Variants in PDE8B observed in about 807,000 individuals in gnomAD.
PDE8B encodes the protein high affinity cAMP-specific and IBMX-insensitive 3',5'-cyclic phosphodiesterase 8B.
Under a neutral mutation model 101.3 loss-of-function variants are expected in PDE8B, and 26 were observed. The observed-to-expected ratio is 0.26, with a 90% CI of 0.19 to 0.36. PDE8B has a LOEUF of 0.36. PDE8B is among the 10% of genes least tolerant of loss of function. The pLI is 1.00. For missense variants in PDE8B, 810 were observed against 1,163.1 expected (o/e 0.70, Z 4.42); for synonymous variants, 424 against 429.3 (o/e 0.99, Z 0.15).
At chr5:77,124,392 C>T in the PDE8B span, among the ~76,000 whole-genome samples, 4 of 151,836 alleles carry the variant, frequency 2.6e-5, no homozygotes, top group Non-Finnish European at 4.4e-5. Context: ...GAGCTCAAGA[C>T]CATCCTGGGC....
the PDE8B span, among the ~76,000 whole-genome samples, chr5:77,099,610 CTTT>C: frequency 0.23 from 33,667 of 146,962 alleles, 4,462 homozygotes; most frequent in Admixed American, 0.35. Context: ...CTTTTCTTTT[CTTT>C]TTTTTTTTTT....
chr5:77,110,611 A>C, the PDE8B span, among the ~76,000 whole-genome samples: 1 of 152,210 alleles, frequency 6.6e-6, no homozygotes, highest in African/African-American at 2.4e-5. Context: ...AAGGCAGAGC[A>C]AATAGATACA....
intron 10 of PDE8B, among the ~76,000 whole-genome samples, chr5:77,394,986 A>G (rs1393049920): frequency 2.0e-5 from 3 of 152,108 alleles, no homozygotes; most frequent in East Asian, 3.9e-4. Flanking sequence ...ATATTTTCCA[A>G]TCTAGGGTAA....
rs777708738 is a variant in PDE8B, at chr5:77,211,185, C to T, written c.260C>T (p.Ala87Val). ...AGCGCGGGTTCCGCAGCCCCCGCCG[C>T]GACCACCAGCAGGGGCCGGAGGCGC... ...GSSAGSAAPA[A>V]TTSRGRRRHC... Residue 87 changes from alanine to valine, a missense_variant, in exon 1 of 22, where the codon GCG becomes GTG. By Grantham distance (64) the Ala-to-Val change is moderately conservative. Transcript: ENST00000264917. The surrounding 1 kb of genome is among the most constrained non-coding windows in gnomAD (Gnocchi z 4.1). The T allele has an allele frequency of 2.6e-6, 4 of 1,548,854 alleles. No homozygotes were observed. Among genetic ancestry groups the T allele is most frequent in the Non-Finnish European group, 3.5e-6 (4 of 1,155,094 alleles).
At chr5:77,385,163 T>C (rs904176640) in intron 10 of PDE8B, among the ~76,000 whole-genome samples, 1 of 152,192 alleles carries the variant, frequency 6.6e-6, no homozygotes, top group Non-Finnish European at 1.5e-5. Flanking sequence ...TTGTTATTGG[T>C]CTATTCAGGG....
intron 10 of PDE8B, among the ~76,000 whole-genome samples, chr5:77,377,897 C>G (rs1350000501): frequency 6.6e-6 from 1 of 152,130 alleles, no homozygotes; most frequent in East Asian, 1.9e-4. Flanking sequence ...ACTGCCTTCC[C>G]TGGTTCTCAG....
In PDE8B at chr5:77,211,092, G is replaced by C. The variant is rs770558291; in HGVS notation, c.167G>C (p.Ser56Thr). The C allele has an allele frequency of 6.7e-7, 1 of 1,493,688 alleles. No homozygotes were observed. The highest frequency in any genetic ancestry group is 8.9e-7 in the Non-Finnish European group (1 of 1,128,386). 92.5% of individuals were successfully genotyped at this position (1,493,688 alleles called of 1,614,324 possible). A position where few individuals can be genotyped will look rare whatever the true frequency, so the allele number is the denominator to read the frequency against. The change falls in exon 1 of 22, where the codon AGC becomes ACC. Residue 56 changes from serine (S) to threonine (T), a missense_variant. Coordinates refer to ENST00000264917, the MANE Select transcript of PDE8B (RefSeq NM_003719.5). The surrounding 1 kb of genome is among the most constrained non-coding windows in gnomAD (Gnocchi z 4.1). ...QTDAADAIPP[S>T]RASGPPSVAR... ...GACGCCGCCGACGCCATCCCCCCGA[G>C]CCGCGCGTCGGGACCCCCCAGCGTA... is the stretch of plus-strand genomic sequence containing the variant.
chr5:77,109,091 A>G, the PDE8B span, among the ~76,000 whole-genome samples: 5 of 152,166 alleles, frequency 3.3e-5, no homozygotes, highest in African/African-American at 7.2e-5. Flanking sequence ...TTCTGAGGCA[A>G]AGGCACAGAT....
chr5:77,425,709 A>G, intron 20 of PDE8B, 58 bp from the exon 21 acceptor site: 3 of 1,567,260 alleles, frequency 1.9e-6, no homozygotes, highest in Non-Finnish European at 2.6e-6. Flanking sequence ...GAAACAGGAT[A>G]TTACTGTGAA....
At chr5:77,331,326 G>A in intron 4 of PDE8B, 76 bp from the exon 5 acceptor site, 1 of 1,307,270 alleles carries the variant, frequency 7.6e-7, no homozygotes, top group Middle Eastern at 2.0e-4. Context: ...TGGCCTCATT[G>A]CTCTCTCTCC....
At chr5:77,361,848 A>G (rs1441236196) in intron 10 of PDE8B, among the ~76,000 whole-genome samples, 1 of 152,094 alleles carries the variant, frequency 6.6e-6, no homozygotes, top group African/African-American at 2.4e-5. Flanking sequence ...GAAAATATCA[A>G]CTAACATTTA....
intron 1 of PDE8B, chr5:77,291,519 G>T: frequency 1.2e-6 from 2 of 1,607,414 alleles, no homozygotes; most frequent in Non-Finnish European, 1.7e-6. Flanking sequence ...AGAGGTCTTT[G>T]CATGGAATAC....
At chr5:77,359,824 G>A (rs754475113) in intron 10 of PDE8B, among the ~76,000 whole-genome samples, 70 of 152,238 alleles carry the variant, frequency 4.6e-4, no homozygotes, top group East Asian at 4.4e-3. Context: ...ACTGCCGGGC[G>A]CAGTGGTTCA....
chr5:77,392,298 G>C (rs1343468483), intron 10 of PDE8B, among the ~76,000 whole-genome samples: 3 of 152,172 alleles, frequency 2.0e-5, no homozygotes, highest in Non-Finnish European at 4.4e-5. Flanking sequence ...CAAAGTCTGA[G>C]GAAGCTGAGA....
At chr5:77,104,687 C>T in the PDE8B span, 1 of 152,092 alleles carries the variant, frequency 6.6e-6, no homozygotes, top group Non-Finnish European at 1.5e-5. Flanking sequence ...TGTACTCAGT[C>T]TGTGGTATTT....
chr5:77,267,670 G>C (rs146786147), intron 1 of PDE8B, among the ~76,000 whole-genome samples: 46 of 152,256 alleles, frequency 3.0e-4, no homozygotes, highest in African/African-American at 1.1e-3. Context: ...CAGCTCTCTT[G>C]GGTTGTTCCC....
At chr5:77,225,848 G>GCACACACACACA (rs3087185) in intron 1 of PDE8B, among the ~76,000 whole-genome samples, 286 of 144,322 alleles carry the variant, frequency 2.0e-3, no homozygotes, top group African/African-American at 7.0e-3. Context: ...ACATGCGCGT[G>GCACACACACACA]CACACACACA....
intron 10 of PDE8B, among the ~76,000 whole-genome samples, chr5:77,383,055 C>G (rs1262574727): frequency 6.6e-6 from 1 of 152,218 alleles, no homozygotes; most frequent in Non-Finnish European, 1.5e-5. Context: ...GTCCCACCAA[C>G]AGTGTAAAAG....
the PDE8B span, among the ~76,000 whole-genome samples, chr5:77,202,414 A>T: frequency 2.6e-5 from 4 of 152,138 alleles, no homozygotes; most frequent in African/African-American, 9.7e-5. Flanking sequence ...AGCTTACTTA[A>T]CATGAAGATG....
Sources: allele counts gnomAD v4.1 joint callset (sites outside exome capture counted in the v4.1 genomes callset), GRCh38; gene constraint gnomAD v4.1.1; non-coding constraint Gnocchi (gnomAD v3.1); transcripts MANE v1.5; gene names NCBI Gene and HGNC (gene_info 2026-07-23, HGNC 2026-07-21).